The following CLCN1 variants were observed in gnomAD, a reference collection of about 807,000 sequenced individuals.
CLCN1 encodes chloride channel protein 1.
CLCN1 carries 100 observed loss-of-function variants against 114.5 expected under a neutral mutation model. That is an observed-to-expected ratio of 0.87 (90% confidence interval 0.74 to 1.03). The LOEUF is 1.03. Ranked by LOEUF, CLCN1 falls within the 50% of genes least tolerant of loss-of-function variation. The pLI is 0.00. For missense variants in CLCN1, 1,188 were observed against 1,250.0 expected (o/e 0.95, Z 0.75); for synonymous variants, 485 against 487.1 (o/e 1.00, Z 0.06).
At chr7:143,343,380 C>A (rs930850928) in intron 16 of CLCN1, among the ~76,000 whole-genome samples, 3 of 152,182 alleles carry the variant, frequency 2.0e-5, no homozygotes, top group African/African-American at 7.2e-5. Flanking sequence ...AAAATGAACA[C>A]CTGTTTACAA....
In CLCN1 at chr7:143,319,478, C is replaced by T. The variant is rs74856857; in HGVS notation, c.181-277C>T. Reference sequence around the variant, plus strand: ...ACCTCTGCTTCAAAGCAAAAACTGGCCTCCTTGATAAAGGCTACCCTGGAT... The same window carrying T: ...ACCTCTGCTTCAAAGCAAAAACTGGTCTCCTTGATAAAGGCTACCCTGGAT... On this transcript the variant is annotated intron_variant, in intron 1 of 22. Coordinates refer to ENST00000343257, the MANE Select transcript of CLCN1 (RefSeq NM_000083.3). Among the ~76,000 whole-genome samples, 1,084 of 152,246 alleles carry T rather than the reference C, an allele frequency of 7.1e-3. 13 individuals are homozygous for T. Among genetic ancestry groups the T allele is most frequent in the African/African-American group, 0.025 (1,031 of 41,554 alleles).
chr7:143,347,978 C>T (rs1432326345), intron 20 of CLCN1, among the ~76,000 whole-genome samples: 1 of 152,040 alleles, frequency 6.6e-6, no homozygotes, highest in Non-Finnish European at 1.5e-5. Context: ...GGCAACTATT[C>T]CATATGGTAA....
At chr7:143,338,189 T>C (rs887091605) in intron 12 of CLCN1, among the ~76,000 whole-genome samples, 1 of 152,124 alleles carries the variant, frequency 6.6e-6, no homozygotes, top group African/African-American at 2.4e-5. Context: ...TTGCTTTTTG[T>C]AAAATGGTCT....
chr7:143,331,582 G>T lies in CLCN1; in HGVS notation c.1096G>T (p.Val366Leu), dbSNP rs1554436573. The change falls in exon 10 of 23, where the codon GTG (valine) becomes TTG (leucine). Residue 366 changes from valine (V) to leucine (L), a missense_variant. Transcript: ENST00000343257. ...CTGTGGGCTCCTGGGAGCTGTATTT[G>T]TGTATCTGCATCGCCAAGTCATGCT... ...ICCGLLGAVF[V>L]YLHRQVMLGV... 21 of 1,614,132 alleles carry T rather than the reference G, an allele frequency of 1.3e-5. No individual in the cohort carries two copies. Among genetic ancestry groups the T allele is most frequent in the Non-Finnish European group, 1.8e-5 (21 of 1,179,992 alleles).
rs772779414 is a variant in CLCN1 at position 143,345,623 on chromosome 7, C to A, written c.2033C>A (p.Ala678Glu). The change falls in exon 17 of 23, where the codon GCG becomes GAG. Residue 678 changes from alanine (A) to glutamate (E), a missense_variant. Physicochemically the swap from Ala to Glu is moderately radical, Grantham distance 107. Transcript: ENST00000343257. ...ERRLRAAQEM[A>E]RKLSELPYDG... ...AGGCTGCGCGCAGCCCAAGAGATGG[C>A]GCGGAAGTTGTCGGAGCTGCCTTAC... The A allele has an allele frequency of 6.4e-7, 1 of 1,560,538 alleles. No individual in the cohort carries two copies. Among genetic ancestry groups the A allele is most frequent in the Admixed American group, 1.9e-5 (1 of 52,126 alleles).
At chr7:143,318,278 A>G (rs1274018182) in intron 1 of CLCN1, among the ~76,000 whole-genome samples, 4 of 152,062 alleles carry the variant, frequency 2.6e-5, no homozygotes, top group Non-Finnish European at 5.9e-5. Flanking sequence ...GCTGGAATGC[A>G]ATGGCGCGAT....
At chr7:143,336,660 A>T (rs760561121) in intron 12 of CLCN1, among the ~76,000 whole-genome samples, 1 of 39,484 alleles carries the variant, frequency 2.5e-5, no homozygotes, top group Non-Finnish European at 4.8e-5. Flanking sequence ...GAAGGAAGGG[A>T]AAGAAAGAAA....
Position 143,350,871 on chromosome 7 carries a change from G to T in CLCN1, c.2595+217G>T, listed in dbSNP as rs922531376. 5.3e-5 allele frequency among the ~76,000 whole-genome samples: 8 copies of T among 151,548 alleles called. 1 individual carries two copies. The highest frequency in any genetic ancestry group is 5.3e-4 in the Admixed American group (8 of 15,218). On this transcript the variant is annotated intron_variant, in intron 22 of 22. Coordinates refer to ENST00000343257, the MANE Select transcript of CLCN1 (RefSeq NM_000083.3). This position sits in a 1 kb window ranked among gnomAD's most constrained non-coding sequence, Gnocchi z 5.1. ...CAGCTCACTGCAACCTCCGCCTCCC[G>T]GGTTCAAGTGATTCTCCTGCCTCAG...
intron 1 of CLCN1, among the ~76,000 whole-genome samples, chr7:143,318,923 T>C (rs1195074179): frequency 1.3e-5 from 2 of 152,192 alleles, no homozygotes; most frequent in Non-Finnish European, 2.9e-5. Context: ...TCAGATCTCT[T>C]CTACTCAGGC....
At chr7:143,320,457 C>T (rs1473019400) in intron 2 of CLCN1, among the ~76,000 whole-genome samples, 2 of 152,112 alleles carry the variant, frequency 1.3e-5, no homozygotes, top group African/African-American at 2.4e-5. Context: ...TAATGAGAAA[C>T]TCAGTGCATA....
At chr7:143,351,508 C>T in intron 22 of CLCN1, 86 bp from the exon 23 acceptor site, 1 of 1,428,016 alleles carries the variant, frequency 7.0e-7, no homozygotes, top group Non-Finnish European at 9.6e-7. Context: ...TTTCATTGTA[C>T]CTGTTCTTTT....
rs1258103846 is a variant in CLCN1, at chr7:143,321,517, G to A, written c.562+24G>A. 5 of 1,613,810 alleles carry A rather than the reference G, an allele frequency of 3.1e-6. No individual in the cohort carries two copies. Among genetic ancestry groups the A allele is most frequent in the Non-Finnish European group, 4.2e-6 (5 of 1,180,020 alleles). On this transcript the variant is annotated intron_variant, in intron 4 of 22. Coordinates refer to ENST00000343257, the MANE Select transcript of CLCN1 (RefSeq NM_000083.3). The surrounding 1 kb of genome is among the most constrained non-coding windows in gnomAD (Gnocchi z 4.2). ...TGGTGAGAACTTGCCACCAGACTCG[G>A]CCTGAGCTGGGTGGCCTGAGAGGGG... is the stretch of plus-strand genomic sequence containing the variant.
At position 143,345,567 on chromosome 7, in the gene CLCN1, C is replaced by A. The variant is rs904572417; in HGVS notation, c.1977C>A (p.Ala659=). Residue 659 remains alanine, a synonymous_variant, in exon 17 of 23, where the codon GCC becomes GCA. Transcript: ENST00000343257. ...LGSVERSELQ[A]LLQRHLCPER... ...CGGTGGAGCGGTCGGAACTGCAGGCCCTCCTGCAGCGCCACCTGTGTCCTG... is the reference window on the plus strand; with the variant it reads ...CGGTGGAGCGGTCGGAACTGCAGGCACTCCTGCAGCGCCACCTGTGTCCTG... 16 of 1,546,156 alleles carry A rather than the reference C, an allele frequency of 1.0e-5. No individual in the cohort carries two copies. The highest frequency in any genetic ancestry group is 1.9e-4 in the Middle Eastern group (1 of 5,224).
In CLCN1 at chr7:143,321,626, C is replaced by T; in HGVS notation, c.563-89C>T. On this transcript the variant is annotated intron_variant, in intron 4 of 22. Coordinates refer to ENST00000343257, the MANE Select transcript of CLCN1 (RefSeq NM_000083.3). The surrounding 1 kb of genome is among the most constrained non-coding windows in gnomAD (Gnocchi z 4.2). ...TCCTCCCCACCACTGCCTCTTCAGC[C>T]CTCTCCAATTCCCATTCCCATATTC... 6.2e-7 allele frequency: 1 copy of T among 1,605,540 alleles called. No individual in the cohort carries two copies. Among genetic ancestry groups the T allele is most frequent in the Non-Finnish European group, 8.5e-7 (1 of 1,172,478 alleles).
At chr7:143,346,555 C>A (rs765428440) in intron 18 of CLCN1, 24 bp from the exon 19 acceptor site, 119 of 1,560,650 alleles carry the variant, frequency 7.6e-5, no homozygotes, top group Non-Finnish European at 2.4e-5. Context: ...GTGTCCATTT[C>A]CATCCACTCA....
chr7:143,347,037 C>T, intron 20 of CLCN1, 88 bp downstream of exon 20: 2 of 1,166,646 alleles, frequency 1.7e-6, no homozygotes, highest in Non-Finnish European at 2.6e-6. Context: ...ATTGTGTTGT[C>T]ATGAAATAGA....
At chr7:143,332,934 G>A in intron 12 of CLCN1, 61 bp downstream of exon 12, 1 of 1,571,504 alleles carries the variant, frequency 6.4e-7, no homozygotes, top group African/African-American at 1.3e-5. Flanking sequence ...TATGAACCCA[G>A]GGTTTGCATA....
chr7:143,350,792 T>TC lies in CLCN1; in HGVS notation c.2595+138_2595+139insC. On this transcript the variant is annotated intron_variant, in intron 22 of 22. Transcript: ENST00000343257. The surrounding 1 kb of genome is among the most constrained non-coding windows in gnomAD (Gnocchi z 5.1). ...TCTCTATTTCTTTCTTTTTTTTTTT[T>TC]TTGAGACAGAGTTTCACTCTTGTCG... 1 of 699,198 alleles carries TC rather than the reference T, an allele frequency of 1.4e-6. No individual in the cohort carries two copies. Among genetic ancestry groups the TC allele is most frequent in the Non-Finnish European group, 2.4e-6 (1 of 412,264 alleles). 43.3% of individuals were successfully genotyped at this position (699,198 alleles called of 1,614,324 possible). A position where few individuals can be genotyped will look rare whatever the true frequency, so the allele number is the denominator to read the frequency against.
At chr7:143,347,890 T>C (rs1395859895) in intron 20 of CLCN1, among the ~76,000 whole-genome samples, 1 of 152,136 alleles carries the variant, frequency 6.6e-6, no homozygotes, top group Non-Finnish European at 1.5e-5. Context: ...GGGAACAGAA[T>C]GTGGACTAGT....
Sources: allele counts gnomAD v4.1 joint callset (sites outside exome capture counted in the v4.1 genomes callset), GRCh38; gene constraint gnomAD v4.1.1; non-coding constraint Gnocchi (gnomAD v3.1); transcripts MANE v1.5; gene names NCBI Gene and HGNC (gene_info 2026-07-23, HGNC 2026-07-21).